Variants in TCF4 observed in about 807,000 individuals in gnomAD.
TCF4 encodes the protein transcription factor 4.
TCF4 carries 3 observed loss-of-function variants against 82.1 expected under a neutral mutation model. The observed-to-expected ratio is 0.04, with a 90% CI of 0.02 to 0.09. TCF4 has a LOEUF of 0.09. TCF4 is among the 10% of genes least tolerant of loss of function. The pLI, the probability that TCF4 is intolerant of heterozygous loss-of-function variation, is 1.00. For synonymous variants in TCF4, 276 were observed against 309.6 expected, an observed-to-expected ratio of 0.89 and a Z score of 1.14; for missense variants, 518 against 852.7, an observed-to-expected ratio of 0.61 and a Z score of 4.89.
intron 6 of TCF4, among the ~76,000 whole-genome samples, chr18:55,368,337 C>T (rs1249392650): frequency 4.6e-5 from 7 of 152,056 alleles, no homozygotes; most frequent in East Asian, 1.9e-4. Flanking sequence ...GCTGAGATTG[C>T]GCCACTGCAC....
intron 5 of TCF4, among the ~76,000 whole-genome samples, chr18:55,441,428 C>T (rs569804281): frequency 5.3e-5 from 8 of 152,244 alleles, no homozygotes; most frequent in East Asian, 3.9e-4. Flanking sequence ...CTTTAACATA[C>T]GCAGATAAAT....
At chr18:55,328,893 GTTTA>G (rs769056858) in intron 8 of TCF4, among the ~76,000 whole-genome samples, 1 of 152,062 alleles carries the variant, frequency 6.6e-6, no homozygotes, top group East Asian at 1.9e-4. Flanking sequence ...ATTATCTAGG[GTTTA>G]TTAACCCTCT....
intron 5 of TCF4, among the ~76,000 whole-genome samples, chr18:55,454,406 C>T (rs1365245958): frequency 1.3e-5 from 2 of 152,094 alleles, no homozygotes; most frequent in African/African-American, 2.4e-5. Flanking sequence ...TTTCATTCAA[C>T]GTTTAAACCC....
chr18:55,527,394 A>T (rs2096998130), intron 3 of TCF4, among the ~76,000 whole-genome samples: 1 of 152,214 alleles, frequency 6.6e-6, no homozygotes, highest in Non-Finnish European at 1.5e-5. Context: ...CAGAAAGAAA[A>T]ATAGTAAGGA....
At chr18:55,510,551 T>C (rs1157312603) in intron 3 of TCF4, 1 of 1,455,030 alleles carries the variant, frequency 6.9e-7, no homozygotes, top group Non-Finnish European at 9.1e-7. Flanking sequence ...GAGTAAGCTT[T>C]TAAAATACAA....
At chr18:55,568,522 C>A (rs967047446) in intron 3 of TCF4, among the ~76,000 whole-genome samples, 2 of 151,730 alleles carry the variant, frequency 1.3e-5, no homozygotes, top group Admixed American at 1.3e-4. Flanking sequence ...TATACACACA[C>A]ACATCCATAT....
chr18:55,367,978 G>A (rs566390889), intron 6 of TCF4, among the ~76,000 whole-genome samples: 2 of 152,338 alleles, frequency 1.3e-5, no homozygotes, highest in East Asian at 3.9e-4. Flanking sequence ...AGGGAGATCT[G>A]GTGGGCAGCA....
chr18:55,468,573 T>C (rs879659572), intron 3 of TCF4, among the ~76,000 whole-genome samples: 2 of 152,220 alleles, frequency 1.3e-5, no homozygotes, highest in Non-Finnish European at 2.9e-5. Context: ...TGAATATATA[T>C]ACAGCTATAG....
intron 8 of TCF4, among the ~76,000 whole-genome samples, chr18:55,281,630 C>T (rs922509151): frequency 3.3e-5 from 5 of 151,822 alleles, no homozygotes; most frequent in African/African-American, 1.2e-4. Flanking sequence ...ATTTTAATTA[C>T]ATATTCTATT....
intron 3 of TCF4, among the ~76,000 whole-genome samples, chr18:55,576,578 G>A (rs1417316143): frequency 6.6e-6 from 1 of 151,950 alleles, no homozygotes; most frequent in Non-Finnish European, 1.5e-5. Flanking sequence ...TCTGTGCTTG[G>A]TTCACAGTGA....
intron 8 of TCF4, among the ~76,000 whole-genome samples, chr18:55,286,728 A>G (rs2063772198): frequency 6.6e-6 from 1 of 152,162 alleles, no homozygotes; most frequent in Non-Finnish European, 1.5e-5. Flanking sequence ...ATTAAAGCTC[A>G]TTCACCTCAC....
At chr18:55,571,815 T>C (rs2097473384) in intron 3 of TCF4, among the ~76,000 whole-genome samples, 1 of 150,548 alleles carries the variant, frequency 6.6e-6, no homozygotes, top group Non-Finnish European at 1.5e-5. Flanking sequence ...CACATCATAA[T>C]TCAGCCTCCA....
chr18:55,579,080 AATATAT>A (rs778393636), intron 3 of TCF4, among the ~76,000 whole-genome samples: 2 of 148,802 alleles, frequency 1.3e-5, no homozygotes, highest in Middle Eastern at 3.6e-3. Context: ...GTCTAATATA[AATATAT>A]ATATATATAT....
intron 3 of TCF4, among the ~76,000 whole-genome samples, chr18:55,506,497 A>T (rs1407003910): frequency 6.6e-6 from 1 of 152,166 alleles, no homozygotes; most frequent in African/African-American, 2.4e-5. Flanking sequence ...ATGAACCCAA[A>T]TGTCCAAAGG....
chr18:55,469,434 A>G (rs2145135117), intron 3 of TCF4: 1 of 152,480 alleles, frequency 6.6e-6, no homozygotes, highest in South Asian at 2.1e-4. Flanking sequence ...ACTGTACTCC[A>G]GCCTGGGTGA....
chr18:55,378,858 T>C (rs1252126537), intron 6 of TCF4, among the ~76,000 whole-genome samples: 1 of 152,224 alleles, frequency 6.6e-6, no homozygotes, highest in African/African-American at 2.4e-5. Flanking sequence ...AACAGGTTAA[T>C]GCAAAGAAGA....
chr18:55,557,544 G>A (rs548635940), intron 3 of TCF4, among the ~76,000 whole-genome samples: 4 of 152,092 alleles, frequency 2.6e-5, no homozygotes, highest in South Asian at 4.2e-4. Flanking sequence ...CAATTAAAAT[G>A]TAACTTATAT....
chr18:55,324,656 AACTTGGTTAC>A (rs1216792269), intron 8 of TCF4, among the ~76,000 whole-genome samples: 2 of 152,188 alleles, frequency 1.3e-5, no homozygotes, highest in Admixed American at 6.5e-5. Flanking sequence ...AGCAGTAGGT[AACTTGGTTAC>A]CTACTTGGTA....
chr18:55,631,241 G>T (rs956148680), intron 2 of TCF4: 2 of 761,632 alleles, frequency 2.6e-6, no homozygotes, highest in African/African-American at 3.5e-5. Flanking sequence ...GTAGAGACAG[G>T]ATTTCATCAT....
Sources: gnomAD v4.1 joint callset for allele counts (sites outside exome capture counted in the v4.1 genomes callset) on GRCh38, gnomAD v4.1.1 for gene constraint, MANE v1.5 for transcripts, NCBI Gene and HGNC (gene_info 2026-07-23, HGNC 2026-07-21) for gene names.